ARHGAP44: variants seen among roughly 807,000 people sequenced by gnomAD.
The protein encoded by ARHGAP44 is Rho GTPase activating protein 44.
In ARHGAP44, 43 loss-of-function variants were observed where a neutral mutation model predicts 106.8. That is an observed-to-expected ratio of 0.40 (90% CI 0.32 to 0.52). The LOEUF (loss-of-function observed/expected upper bound fraction) is 0.52. Ranked by LOEUF, ARHGAP44 falls within the 20% of genes least tolerant of loss-of-function variation. ARHGAP44 has a pLI of 0.48. For synonymous variants in ARHGAP44, 439 were observed against 410.3 expected, an observed-to-expected ratio of 1.07 and a Z score of -0.85; for missense variants, 866 against 1,050.5, an observed-to-expected ratio of 0.82 and a Z score of 2.43.
intron 16 of ARHGAP44, among the ~76,000 whole-genome samples, chr17:12,970,225 ATGTGGTGGCATGTGCC>A (rs2039490972): frequency 6.6e-6 from 1 of 151,880 alleles, no homozygotes; most frequent in Non-Finnish European, 1.5e-5. Flanking sequence ...AATTAGCCAG[ATGTGGTGGCATGTGCC>A]TGTATTCCAA....
chr17:12,972,434 G>C lies in ARHGAP44; in HGVS notation c.1524-868G>C, dbSNP rs2039549712. ...AGGCTGAGGCGAATGGATCACCTGA[G>C]GTCAGGAGTTTGAGACCAGCCTGGC... On this transcript the variant is annotated intron_variant, in intron 16 of 20. Transcript: ENST00000379672. Among the ~76,000 whole-genome samples, 3 of 151,820 alleles carry C rather than the reference G, an allele frequency of 2.0e-5. No individual in the cohort carries two copies. In the South Asian group the frequency reaches 6.2e-4, roughly 32 times the overall value.
intron 1 of ARHGAP44, among the ~76,000 whole-genome samples, chr17:12,793,953 A>G (rs1597848667): frequency 1.3e-5 from 2 of 152,138 alleles, no homozygotes; most frequent in South Asian, 2.1e-4. Context: ...AAGTAGTTCA[A>G]AGATGGGGAA....
At chr17:12,935,197 CAA>C (rs566795108) in intron 7 of ARHGAP44, among the ~76,000 whole-genome samples, 1 of 152,014 alleles carries the variant, frequency 6.6e-6, no homozygotes. Flanking sequence ...ATAAAATACT[CAA>C]AAAGAGAACA....
At chr17:12,797,432 A>G (rs757004201) in intron 1 of ARHGAP44, among the ~76,000 whole-genome samples, 2 of 152,050 alleles carry the variant, frequency 1.3e-5, no homozygotes, top group African/African-American at 2.4e-5. Flanking sequence ...AATTTCATCT[A>G]CTTTTATCTT....
intron 20 of ARHGAP44, chr17:12,987,184 C>G (rs961073958): frequency 1.3e-6 from 2 of 1,520,692 alleles, no homozygotes; most frequent in Non-Finnish European, 1.8e-6. Flanking sequence ...CCCTCCACCC[C>G]GCTAGCTAGC....
At chr17:12,792,492 G>A (rs1478742117) in intron 1 of ARHGAP44, among the ~76,000 whole-genome samples, 1 of 152,146 alleles carries the variant, frequency 6.6e-6, no homozygotes, top group African/African-American at 2.4e-5. Flanking sequence ...AGCGAGAGGG[G>A]CAGTATCTCC....
At chr17:12,802,952 TA>T (rs1567621290) in intron 1 of ARHGAP44, among the ~76,000 whole-genome samples, 77 of 23,836 alleles carry the variant, frequency 3.2e-3, no homozygotes, top group African/African-American at 0.018. Flanking sequence ...TATATATATA[TA>T]TATATATATA....
In ARHGAP44 at chr17:12,789,765, A is replaced by G. The variant is rs1174924592; in HGVS notation, c.-74A>G. 9 of 1,371,090 alleles carry G rather than the reference A, an allele frequency of 6.6e-6. No homozygotes were observed. In the Admixed American group the frequency reaches 2.2e-4, roughly 33 times the overall value. The allele number at this position is 1,371,090 out of a possible 1,614,324, so 84.9% of individuals were successfully genotyped here. A position where few individuals can be genotyped will look rare whatever the true frequency, so the allele number is the denominator to read the frequency against. Reference sequence around the variant, plus strand: ...GCCCGGGAGGCTCCGCGCGGGAGCCATGTAACCCTGCGGCGGGCTCCGGGC... The same window carrying G: ...GCCCGGGAGGCTCCGCGCGGGAGCCGTGTAACCCTGCGGCGGGCTCCGGGC... On this transcript the variant is annotated 5_prime_UTR_variant, in exon 1 of 21. An upstream start codon of the reference 5' UTR is lost. Coordinates refer to ENST00000379672, the MANE Select transcript of ARHGAP44 (RefSeq NM_014859.6).
chr17:12,983,980 T>C (rs573731038), intron 19 of ARHGAP44, among the ~76,000 whole-genome samples: 66 of 152,272 alleles, frequency 4.3e-4, no homozygotes, highest in Non-Finnish European at 8.7e-4. Context: ...GAACAGGGGT[T>C]CTGTGGCCGG....
intron 1 of ARHGAP44, among the ~76,000 whole-genome samples, chr17:12,831,282 A>G (rs2035081038): frequency 6.6e-6 from 1 of 152,198 alleles, no homozygotes; most frequent in Non-Finnish European, 1.5e-5. Flanking sequence ...TCCAGACACC[A>G]TGCTGTTCAC....
intron 1 of ARHGAP44, among the ~76,000 whole-genome samples, chr17:12,853,914 C>T (rs140305510): frequency 1.3e-5 from 2 of 152,268 alleles, no homozygotes; most frequent in Non-Finnish European, 1.5e-5. Context: ...CCTCTTGTCC[C>T]AATTCCCCAT....
At chr17:12,976,316 A>G (rs1331255667) in intron 18 of ARHGAP44, among the ~76,000 whole-genome samples, 11 of 151,756 alleles carry the variant, frequency 7.2e-5, no homozygotes, top group Non-Finnish European at 1.6e-4. Context: ...TTTAATGAGT[A>G]AAAAGTATTT....
rs940941987 is a variant in ARHGAP44 at position 12,870,668 on chromosome 17, C to T, written c.54-24272C>T. On this transcript the variant is annotated intron_variant, in intron 1 of 20. Transcript: ENST00000379672. ...TGTGTTTATTTCCTCTGGTGATTTA[C>T]CTCCATCTCTCTACATAATAGGTTT... Among the ~76,000 whole-genome samples the T allele has an allele frequency of 2.0e-5, 3 of 152,172 alleles. 1 individual carries two copies. The highest frequency in any genetic ancestry group is 7.2e-5 in the African/African-American group (3 of 41,432).
rs556218897 is a variant in ARHGAP44 at position 12,924,693 on chromosome 17, A to G, written c.465-4236A>G. 2.6e-5 allele frequency among the ~76,000 whole-genome samples: 4 copies of G among 152,164 alleles called. No individual in the cohort carries two copies. In the South Asian group the frequency reaches 8.3e-4, roughly 32 times the overall value. On this transcript the variant is annotated intron_variant, in intron 6 of 20. Coordinates refer to ENST00000379672, the MANE Select transcript of ARHGAP44 (RefSeq NM_014859.6). ...CATAAGAATGGGCCCCTATTTCACT[A>G]GGATTGGTGGCCTTATAGGGAGAAA...
chr17:12,984,446 C>T (rs941764280), intron 19 of ARHGAP44, 85 bp from the exon 20 acceptor site: 77 of 1,435,742 alleles, frequency 5.4e-5, no homozygotes, highest in East Asian at 5.3e-4. Flanking sequence ...CAGCTTTGAA[C>T]GCTGAAGGGT....
intron 13 of ARHGAP44, among the ~76,000 whole-genome samples, chr17:12,954,087 G>A (rs1202367508): frequency 1.3e-5 from 2 of 149,958 alleles, no homozygotes; most frequent in Non-Finnish European, 3.0e-5. Flanking sequence ...TAGTAGAGAC[G>A]GGGTTTCACC....
At position 12,990,128 on chromosome 17, in the gene ARHGAP44, A is replaced by T; in HGVS notation, c.2414A>T (p.Asp805Val). 6.2e-7 allele frequency: 1 copy of T among 1,613,320 alleles called. No homozygotes were observed. Among genetic ancestry groups the T allele is most frequent in the Non-Finnish European group, 8.5e-7 (1 of 1,179,620 alleles). The change falls in exon 21 of 21, where the codon GAC (aspartate) becomes GTC (valine). Residue 805 changes from aspartate to valine, a missense_variant. Coordinates refer to ENST00000379672, the MANE Select transcript of ARHGAP44 (RefSeq NM_014859.6). ...CACATGCGGCGACACTCAGTAACTG[A>T]CAAGAGGGACTCGGAGGAGGAGTCT... is the stretch of plus-strand genomic sequence containing the variant. Reference protein sequence around the residue: ...LEHMRRHSVTDKRDSEEESES... With the variant: ...LEHMRRHSVTVKRDSEEESES...
intron 1 of ARHGAP44, among the ~76,000 whole-genome samples, chr17:12,871,793 T>C (rs752362318): frequency 9.2e-5 from 14 of 152,262 alleles, no homozygotes; most frequent in Middle Eastern, 3.4e-3. Flanking sequence ...TCCCCCCGTC[T>C]CTCTCTTATT....
intron 1 of ARHGAP44, among the ~76,000 whole-genome samples, chr17:12,855,939 C>A (rs1408874128): frequency 6.6e-6 from 1 of 152,094 alleles, no homozygotes; most frequent in African/African-American, 2.4e-5. Flanking sequence ...CAGGTAAGGC[C>A]CTGGATTGCA....
Sources: gnomAD v4.1 joint callset for allele counts (sites outside exome capture counted in the v4.1 genomes callset) on GRCh38, gnomAD v4.1.1 for gene constraint, MANE v1.5 for transcripts, NCBI Gene and HGNC (gene_info 2026-07-23, HGNC 2026-07-21) for gene names.